TADA2A: variants seen among roughly 807,000 people sequenced by gnomAD.
TADA2A encodes the protein transcriptional adapter 2-alpha.
In TADA2A, 38 loss-of-function variants were observed where a neutral mutation model predicts 67.4. The ratio of observed to expected loss-of-function variants is 0.56; its 90% CI spans 0.44 to 0.74. The LOEUF is 0.74. Among genes scored for constraint, TADA2A ranks in the 30% least tolerant of loss-of-function variants. The pLI, the probability that TADA2A is intolerant of heterozygous loss-of-function variation, is 0.00. For missense variants in TADA2A, 454 were observed against 547.0 expected (o/e 0.83, Z 1.70); for synonymous variants, 192 against 181.6 (o/e 1.06, Z -0.46).
chr17:37,444,826 TG>T, intron 8 of TADA2A, 58 bp downstream of exon 8: 1 of 1,484,104 alleles, frequency 6.7e-7, no homozygotes, highest in African/African-American at 1.4e-5. Flanking sequence ...GACACTGTCT[TG>T]GGTGCTAGGA....
In TADA2A at chr17:37,419,994, G is replaced by A. The variant is rs546708046; in HGVS notation, c.26-3515G>A. 8.7e-4 allele frequency among the ~76,000 whole-genome samples: 119 copies of A among 137,016 alleles called. 4 individuals are homozygous for A. The highest frequency in any genetic ancestry group is 2.8e-3 in the African/African-American group (111 of 39,044). The allele number at this position is 137,016 out of a possible 152,430, so 89.9% of individuals were successfully genotyped here. A position where few individuals can be genotyped will look rare whatever the true frequency, so the allele number is the denominator to read the frequency against. On this transcript the variant is annotated intron_variant, in intron 2 of 15. Transcript: ENST00000615182. ...CGCGCCACTGCACTTCAGCCTGGGC[G>A]ACAGAGCAAGACTCCGTCTCAAAAA...
intron 2 of TADA2A, among the ~76,000 whole-genome samples, chr17:37,420,444 G>A (rs2052197184): frequency 7.1e-6 from 1 of 140,714 alleles, no homozygotes; most frequent in East Asian, 2.3e-4. Context: ...CCAGGCTGGA[G>A]TGCAATGGCA....
At chr17:37,474,731 C>G in intron 15 of TADA2A, 102 bp downstream of exon 15, 1 of 1,254,018 alleles carries the variant, frequency 8.0e-7, no homozygotes, top group East Asian at 2.5e-5. Context: ...TTGTTTCATT[C>G]ATCTAACATA....
chr17:37,465,377 A>C (rs918100642), intron 10 of TADA2A, 54 bp from the exon 11 acceptor site: 5 of 1,406,226 alleles, frequency 3.6e-6, no homozygotes, highest in Non-Finnish European at 4.9e-6. Context: ...AATGCTGAAA[A>C]CTCAGGGATC....
chr17:37,428,523 C>A (rs2052474801), intron 4 of TADA2A, among the ~76,000 whole-genome samples: 2 of 152,202 alleles, frequency 1.3e-5, no homozygotes, highest in African/African-American at 4.8e-5. Context: ...CAGGGAATCT[C>A]TATGACCTCT....
At chr17:37,473,813 T>C (rs1038615843) in intron 14 of TADA2A, among the ~76,000 whole-genome samples, 1 of 152,240 alleles carries the variant, frequency 6.6e-6, no homozygotes, top group South Asian at 2.1e-4. Flanking sequence ...TAAACAGGGC[T>C]ACTTTGGAAG....
At chr17:37,434,914 A>T (rs2052676542) in intron 4 of TADA2A, among the ~76,000 whole-genome samples, 1 of 152,138 alleles carries the variant, frequency 6.6e-6, no homozygotes, top group African/African-American at 2.4e-5. Flanking sequence ...CTGGAAGTTG[A>T]CTTCTGAATT....
intron 13 of TADA2A, among the ~76,000 whole-genome samples, 161 bp from the exon 14 acceptor site, chr17:37,470,933 C>G (rs1255798954): frequency 2.0e-5 from 3 of 152,090 alleles, no homozygotes; most frequent in African/African-American, 4.8e-5. Context: ...GATTTTCTTT[C>G]CTGCTCAATA....
chr17:37,424,120 T>A (rs766558339), intron 3 of TADA2A, among the ~76,000 whole-genome samples: 1 of 152,122 alleles, frequency 6.6e-6, no homozygotes, highest in African/African-American at 2.4e-5. Context: ...GACTGTTGAT[T>A]AGTCCACATC....
At position 37,426,298 on chromosome 17, in the gene TADA2A, C is replaced by G. The variant is rs527558886; in HGVS notation, c.133-652C>G. 13 of 152,102 alleles carry G rather than the reference C, an allele frequency of 8.5e-5. No homozygotes were observed. The East Asian group carries it at 2.5e-3, about 29-fold the overall frequency. The allele number at this position is 152,102 out of a possible 1,614,324, so 9.4% of individuals were successfully genotyped here. A position where few individuals can be genotyped will look rare whatever the true frequency, so the allele number is the denominator to read the frequency against. On this transcript the variant is annotated intron_variant, in intron 3 of 15. Coordinates refer to ENST00000615182, the MANE Select transcript of TADA2A (RefSeq NM_001166105.3). ...AGTATTTTTTTCAGACTTGTTTTTT[C>G]TCCATGAGGGCCACTGAAAAGCTGT...
Position 37,451,710 on chromosome 17 carries a change from G to A in TADA2A, c.605-6814G>A, listed in dbSNP as rs189532134. On this transcript the variant is annotated intron_variant, in intron 8 of 15. Transcript: ENST00000615182. ...CAAAAATCGCAGAAATGGGCCTGGCGCAGTGGCTCATGCCTGTAATCCCAG... is the reference window on the plus strand; with the variant it reads ...CAAAAATCGCAGAAATGGGCCTGGCACAGTGGCTCATGCCTGTAATCCCAG... 1.0e-3 allele frequency among the ~76,000 whole-genome samples: 153 copies of A among 152,218 alleles called. 1 individual carries two copies. In the South Asian group the frequency reaches 0.012, roughly 12 times the overall value.
rs769028253 is a variant in TADA2A at position 37,458,576 on chromosome 17, A to C, written c.657A>C (p.Gln219His). 8 of 1,612,726 alleles carry C rather than the reference A, an allele frequency of 5.0e-6. No homozygotes were observed. Among genetic ancestry groups the C allele is most frequent in the Non-Finnish European group, 6.8e-6 (8 of 1,179,422 alleles). Reference protein sequence around the residue: ...DIYHSRLKERQRRKKIIRDHG... With the variant: ...DIYHSRLKERHRRKKIIRDHG... ...ATCATTCCAGGTTAAAGGAGAGACA[A>C]AGACGAAAAAAGTAAGTATAAAAAA... Residue 219 changes from glutamine (Q) to histidine (H), a missense_variant, in exon 9 of 16, where the codon CAA becomes CAC. Gln to His is a conservative substitution (Grantham distance 24). This residue lies in a region of TADA2A where 403 missense variants were observed against 455.5 expected (regional missense o/e 0.88). Coordinates refer to ENST00000615182, the MANE Select transcript of TADA2A (RefSeq NM_001166105.3).
chr17:37,420,386 T>G (rs2052194698), intron 2 of TADA2A, among the ~76,000 whole-genome samples: 1 of 145,406 alleles, frequency 6.9e-6, no homozygotes, highest in South Asian at 2.2e-4. Context: ...CATCATTTTC[T>G]TCTGTGTCTT....
intron 8 of TADA2A, among the ~76,000 whole-genome samples, chr17:37,456,708 G>C (rs567806692): frequency 1.2e-4 from 19 of 152,262 alleles, no homozygotes; most frequent in African/African-American, 4.6e-4. Flanking sequence ...GTAGGAACTG[G>C]AGCTTAAAAT....
chr17:37,425,005 G>A (rs925653804), intron 3 of TADA2A, among the ~76,000 whole-genome samples: 7 of 152,050 alleles, frequency 4.6e-5, no homozygotes, highest in Non-Finnish European at 2.9e-5. Flanking sequence ...TCAACCTCCC[G>A]AGTAGCTGTG....
intron 6 of TADA2A, among the ~76,000 whole-genome samples, chr17:37,440,893 A>G (rs1355129656): frequency 6.6e-6 from 1 of 152,132 alleles, no homozygotes; most frequent in East Asian, 1.9e-4. Flanking sequence ...CCAGGAGTTC[A>G]AGACCAGCCT....
In TADA2A at chr17:37,476,885, G is replaced by A. The variant is rs186687337; in HGVS notation, c.1235G>A (p.Arg412Lys). 183 of 1,614,210 alleles carry A rather than the reference G, an allele frequency of 1.1e-4. 1 individual carries two copies. In the East Asian group the frequency reaches 2.6e-3, roughly 23 times the overall value. Residue 412 changes from arginine (R) to lysine (K), a missense_variant, in exon 16 of 16, where the codon AGA becomes AAA. Physicochemically the swap from Arg to Lys is conservative, Grantham distance 26. Around this residue, in one of 2 missense-constraint regions of TADA2A, gnomAD observed 51 missense variants for 91.5 expected, o/e 0.56. Transcript: ENST00000615182. ...LNECNKQGGLRLAQARALIKI... is the reference protein window; with the variant it reads ...LNECNKQGGLKLAQARALIKI... The stretch of plus-strand genomic sequence containing the variant: ...GAATGTAACAAGCAAGGAGGCTTAA[G>A]ACTGGCGCAGGCAAGAGCACTCATC...
At chr17:37,473,740 G>A (rs1274782176) in intron 14 of TADA2A, among the ~76,000 whole-genome samples, 2 of 152,146 alleles carry the variant, frequency 1.3e-5, no homozygotes, top group African/African-American at 4.8e-5. Context: ...AGGTGTGTGA[G>A]TTGACCTCAG....
At chr17:37,441,325 C>G (rs2147971711) in intron 6 of TADA2A, among the ~76,000 whole-genome samples, 1 of 152,054 alleles carries the variant, frequency 6.6e-6, no homozygotes, top group Non-Finnish European at 1.5e-5. Context: ...TTTTCAATCC[C>G]TTTGGAGAGC....
Sources: allele counts gnomAD v4.1 joint callset (sites outside exome capture counted in the v4.1 genomes callset), GRCh38; gene constraint gnomAD v4.1.1; regional missense constraint gnomAD v4.1.1; transcripts MANE v1.5; gene names NCBI Gene and HGNC (gene_info 2026-07-23, HGNC 2026-07-21).